Variants in CFAP54 observed in about 807,000 individuals in gnomAD.
CFAP54 encodes cilia- and flagella-associated protein 54.
A neutral mutation model predicts 370.4 loss-of-function variants in CFAP54; 290 were observed. The observed-to-expected ratio is 0.78, with a 90% CI of 0.71 to 0.86. The LOEUF (loss-of-function observed/expected upper bound fraction) is 0.86. CFAP54 is among the 40% of genes least tolerant of loss of function. The pLI is 0.00. For synonymous variants in CFAP54, 1,206 were observed against 1,236.5 expected (o/e 0.98, Z 0.52); for missense variants, 3,399 against 3,528.7 (o/e 0.96, Z 0.93).
intron 39 of CFAP54, among the ~76,000 whole-genome samples, chr12:96,674,030 T>A (rs548248440): frequency 6.6e-6 from 1 of 152,364 alleles, no homozygotes; most frequent in South Asian, 2.1e-4. Flanking sequence ...ACTCCATGGA[T>A]ATGCCTTTTA....
intron 11 of CFAP54, 90 bp downstream of exon 11, chr12:96,534,317 G>T: frequency 1.3e-6 from 1 of 755,800 alleles, no homozygotes; most frequent in Non-Finnish European, 2.1e-6. Context: ...TGAAGGCGGA[G>T]GGAGCAAGAG....
chr12:96,490,018 T>G, intron 1 of CFAP54, 92 bp downstream of exon 1: 1 of 1,261,386 alleles, frequency 7.9e-7, no homozygotes, highest in Non-Finnish European at 1.1e-6. Flanking sequence ...CCAGAGATGG[T>G]TCAGCGTTGC....
intron 17 of CFAP54, among the ~76,000 whole-genome samples, chr12:96,562,310 A>G (rs950886317): frequency 4.6e-5 from 7 of 151,996 alleles, no homozygotes; most frequent in African/African-American, 1.4e-4. Flanking sequence ...TTTGCAGTTC[A>G]TTTTGTCTCT....
chr12:96,850,345 A>AT (rs1309918603), intron 66 of CFAP54, among the ~76,000 whole-genome samples: 1 of 151,798 alleles, frequency 6.6e-6, no homozygotes. Flanking sequence ...GTCTTAAAAA[A>AT]AAAAAATAGC....
intron 4 of CFAP54, among the ~76,000 whole-genome samples, chr12:96,510,417 G>C (rs563759653): frequency 1.3e-5 from 2 of 152,228 alleles, no homozygotes; most frequent in Admixed American, 6.5e-5. Flanking sequence ...AAAGGACTTA[G>C]TTACAGTCAG....
intron 39 of CFAP54, among the ~76,000 whole-genome samples, chr12:96,672,384 G>A (rs1395971627): frequency 6.6e-6 from 1 of 152,174 alleles, no homozygotes; most frequent in Non-Finnish European, 1.5e-5. Flanking sequence ...TTCTCATTGG[G>A]TACTGGAAGT....
At chr12:96,761,585 A>G (rs1958339965) in intron 58 of CFAP54, among the ~76,000 whole-genome samples, 1 of 151,870 alleles carries the variant, frequency 6.6e-6, no homozygotes, top group Admixed American at 6.6e-5. Context: ...ATTTTCTTAT[A>G]TGTTTTCTTC....
At chr12:96,771,424 G>C in intron 60 of CFAP54, among the ~76,000 whole-genome samples, 1 of 152,156 alleles carries the variant, frequency 6.6e-6, no homozygotes, top group Admixed American at 6.5e-5. Context: ...AGGCCAAGGC[G>C]GGCGGTTCAC....
At chr12:96,773,945 G>T (rs1163468244) in intron 60 of CFAP54, among the ~76,000 whole-genome samples, 1 of 152,046 alleles carries the variant, frequency 6.6e-6, no homozygotes, top group Admixed American at 6.5e-5. Context: ...ATTCTAAAAA[G>T]GTTATGCCAC....
At chr12:96,733,151 C>T (rs145011382) in intron 50 of CFAP54, among the ~76,000 whole-genome samples, 98 of 152,210 alleles carry the variant, frequency 6.4e-4, no homozygotes, top group Non-Finnish European at 1.0e-3. Context: ...CGAACCTGGC[C>T]CTTGGGACAA....
chr12:96,831,228 T>G (rs537121145), intron 66 of CFAP54, among the ~76,000 whole-genome samples: 1 of 152,248 alleles, frequency 6.6e-6, no homozygotes, highest in African/African-American at 2.4e-5. Flanking sequence ...CAACAAAGAT[T>G]CCACTCTCCT....
intron 8 of CFAP54, among the ~76,000 whole-genome samples, chr12:96,524,622 C>G (rs1448816702): frequency 2.6e-5 from 4 of 152,142 alleles, no homozygotes; most frequent in Non-Finnish European, 5.9e-5. Context: ...AGTGAAGGAT[C>G]AGAGCATGGT....
At chr12:96,500,041 T>G (rs1955008798) in intron 1 of CFAP54, among the ~76,000 whole-genome samples, 1 of 152,210 alleles carries the variant, frequency 6.6e-6, no homozygotes, top group Non-Finnish European at 1.5e-5. Context: ...CCAAAACTTG[T>G]AAGCAACCAA....
intron 25 of CFAP54, among the ~76,000 whole-genome samples, chr12:96,596,634 T>C (rs1285890701): frequency 6.6e-6 from 1 of 151,996 alleles, no homozygotes; most frequent in Non-Finnish European, 1.5e-5. Flanking sequence ...TCCCAGGAGA[T>C]GACGTGTGCA....
At chr12:96,592,061 C>T (rs1428997812) in intron 23 of CFAP54, among the ~76,000 whole-genome samples, 2 of 151,956 alleles carry the variant, frequency 1.3e-5, no homozygotes, top group Non-Finnish European at 2.9e-5. Context: ...TTTGATTCAT[C>T]TTTATACCTA....
chr12:96,695,047 A>AAAAAACAC (rs1305321984), intron 45 of CFAP54, among the ~76,000 whole-genome samples: 23 of 152,230 alleles, frequency 1.5e-4, no homozygotes, highest in African/African-American at 5.5e-4. Flanking sequence ...AAAAAAAACA[A>AAAAAACAC]AAAAACACCT....
chr12:96,752,423 A>G (rs952632841), intron 55 of CFAP54, among the ~76,000 whole-genome samples: 1 of 152,186 alleles, frequency 6.6e-6, no homozygotes, highest in Non-Finnish European at 1.5e-5. Flanking sequence ...AGCCTCAATG[A>G]TATGGTAGCA....
intron 22 of CFAP54, among the ~76,000 whole-genome samples, chr12:96,583,647 C>T (rs1956050784): frequency 6.6e-6 from 1 of 152,124 alleles, no homozygotes; most frequent in South Asian, 2.1e-4. Context: ...CTTCCTCTGC[C>T]AAACCCACTG....
chr12:96,811,335 A>T (rs548711206), intron 63 of CFAP54, among the ~76,000 whole-genome samples: 2 of 152,312 alleles, frequency 1.3e-5, no homozygotes, highest in East Asian at 3.9e-4. Flanking sequence ...GAGGAAGGCA[A>T]CAGCATAAGT....
Sources: allele counts gnomAD v4.1 joint callset (sites outside exome capture counted in the v4.1 genomes callset), GRCh38; gene constraint gnomAD v4.1.1; transcripts MANE v1.5; gene names NCBI Gene and HGNC (gene_info 2026-07-23, HGNC 2026-07-21).